SIPA1L3: variants seen among roughly 807,000 people sequenced by gnomAD.
SIPA1L3 encodes the protein signal induced proliferation associated 1 like 3, also known as signal-induced proliferation-associated 1-like protein 3.
A neutral mutation model predicts 150.1 loss-of-function variants in SIPA1L3; 59 were observed. The ratio of observed to expected loss-of-function variants is 0.39; its 90% CI spans 0.32 to 0.49. The LOEUF is 0.49. Ranked by LOEUF, SIPA1L3 falls within the 20% of genes least tolerant of loss-of-function variation. The pLI is 0.86. For missense variants in SIPA1L3, 2,211 were observed against 2,489.5 expected, an observed-to-expected ratio of 0.89 and a Z score of 2.38; for synonymous variants, 1,070 against 1,077.6, an observed-to-expected ratio of 0.99 and a Z score of 0.14.
chr19:37,990,853 G>T (rs1394774978), intron 1 of SIPA1L3, among the ~76,000 whole-genome samples: 1 of 152,202 alleles, frequency 6.6e-6, no homozygotes, highest in Non-Finnish European at 1.5e-5. Flanking sequence ...TGACTTAGTG[G>T]CATTGGTACT....
rs866412283 is a variant in SIPA1L3, at chr19:38,198,501, C to T, written c.4953C>T (p.Ser1651=). Residue 1651 remains serine (S), a synonymous_variant, in exon 19 of 22, where the codon TCC becomes TCT. Coordinates refer to ENST00000222345, the MANE Select transcript of SIPA1L3 (RefSeq NM_015073.3). ...LPDTAAGLEW[S]SLVNAAKAYE... is the part of the protein sequence containing the mutation. ...ACACAGCTGCTGGCCTCGAGTGGTC[C>T]AGCCTGGTGAACGCAGCCAAGGCAT... The T allele has an allele frequency of 1.3e-6, 2 of 1,592,228 alleles. No homozygotes were observed. The highest frequency in any genetic ancestry group is 1.7e-6 in the Non-Finnish European group (2 of 1,170,452).
intron 2 of SIPA1L3, among the ~76,000 whole-genome samples, chr19:38,055,260 G>A (rs1464248899): frequency 1.3e-5 from 2 of 152,190 alleles, no homozygotes; most frequent in East Asian, 1.9e-4. Context: ...GAAAAGGGAG[G>A]GAGGGCAGCT....
chr19:38,034,531 G>T (rs568599156), intron 2 of SIPA1L3, among the ~76,000 whole-genome samples: 2 of 152,002 alleles, frequency 1.3e-5, no homozygotes, highest in African/African-American at 4.8e-5. Flanking sequence ...GGGTGCGGGG[G>T]GTGGGGTACA....
chr19:38,041,822 G>A (rs529371175), intron 2 of SIPA1L3, among the ~76,000 whole-genome samples: 1 of 152,036 alleles, frequency 6.6e-6, no homozygotes, highest in Non-Finnish European at 1.5e-5. Flanking sequence ...TGATCCTCCT[G>A]TCTCAGCCTC....
intron 1 of SIPA1L3, among the ~76,000 whole-genome samples, chr19:37,912,776 A>G (rs2046386989): frequency 6.6e-6 from 1 of 152,200 alleles, no homozygotes. Flanking sequence ...TCAAACCCAG[A>G]GAAATTCACA....
At chr19:38,089,921 C>T (rs2145839486) in intron 4 of SIPA1L3, among the ~76,000 whole-genome samples, 1 of 152,282 alleles carries the variant, frequency 6.6e-6, no homozygotes, top group South Asian at 2.1e-4. Flanking sequence ...CTCTGCTTGG[C>T]TCTGCTTTTT....
At chr19:37,935,114 C>G (rs2046589251) in intron 1 of SIPA1L3, among the ~76,000 whole-genome samples, 1 of 152,122 alleles carries the variant, frequency 6.6e-6, no homozygotes, top group South Asian at 2.1e-4. Context: ...TGCCTCTCGT[C>G]CAGATAGAAG....
rs10718226 is a variant in SIPA1L3, at chr19:38,065,411, CTT to C, written c.-310-15825_-310-15824del. Reference sequence around the variant, plus strand: ...GCTCATGTTTTCCCTCACATGCTGACTTTTTTTTTTTTTTTTTTTTTAAGATG... The same window carrying C: ...GCTCATGTTTTCCCTCACATGCTGACTTTTTTTTTTTTTTTTTTTAAGATG... On this transcript the variant is annotated intron_variant, in intron 2 of 21. Transcript: ENST00000222345. 4.0e-3 allele frequency among the ~76,000 whole-genome samples: 495 copies of C among 122,342 alleles called. 1 individual carries two copies. The highest frequency in any genetic ancestry group is 0.012 in the African/African-American group (406 of 32,956). 80.3% of individuals were successfully genotyped at this position (122,342 alleles called of 152,430 possible).
intron 1 of SIPA1L3, among the ~76,000 whole-genome samples, chr19:37,976,454 A>G (rs1415285970): frequency 6.6e-6 from 1 of 152,118 alleles, no homozygotes; most frequent in East Asian, 1.9e-4. Flanking sequence ...CCAGTAAGTG[A>G]TCTGCTTTAT....
intron 1 of SIPA1L3, among the ~76,000 whole-genome samples, chr19:38,002,354 T>C (rs1057281772): frequency 6.6e-6 from 1 of 152,216 alleles, no homozygotes; most frequent in Non-Finnish European, 1.5e-5. Context: ...GGTTCATTCA[T>C]GTTGTATATA....
At chr19:38,158,245 A>C (rs1042777362) in intron 13 of SIPA1L3, among the ~76,000 whole-genome samples, 2 of 152,204 alleles carry the variant, frequency 1.3e-5, no homozygotes, top group Non-Finnish European at 2.9e-5. Context: ...AGAAAAAAAA[A>C]GTGGAAACTG....
chr19:37,921,233 C>T lies in SIPA1L3; in HGVS notation c.-379+13875C>T, dbSNP rs145605298. Among the ~76,000 whole-genome samples, 1,439 of 152,310 alleles carry T rather than the reference C, an allele frequency of 9.4e-3. 15 individuals carry two copies. Among genetic ancestry groups the T allele is most frequent in the African/African-American group, 0.033 (1,352 of 41,560 alleles). The stretch of plus-strand genomic sequence containing the variant: ...CAGCTACAACGCCTTTACGGCCGGC[C>T]GGCGTGCGCTCCCCGCTCCCATCAC... On this transcript the variant is annotated intron_variant, in intron 1 of 21. Coordinates refer to ENST00000222345, the MANE Select transcript of SIPA1L3 (RefSeq NM_015073.3).
At position 37,984,779 on chromosome 19, in the gene SIPA1L3, T is replaced by C. The variant is rs137896851; in HGVS notation, c.-378-44310T>C. On this transcript the variant is annotated intron_variant, in intron 1 of 21. Transcript: ENST00000222345. ...GATTGTTCTGTAGGCTGCTGTGGAA[T>C]ATGGCTGGTACTCCACAGATGCCTC... is the stretch of plus-strand genomic sequence containing the variant. Among the ~76,000 whole-genome samples, 142 of 152,374 alleles carry C rather than the reference T, an allele frequency of 9.3e-4. 1 individual carries two copies. Among genetic ancestry groups the C allele is most frequent in the African/African-American group, 3.3e-3 (138 of 41,582 alleles).
intron 1 of SIPA1L3, among the ~76,000 whole-genome samples, chr19:37,955,501 T>A (rs765691473): frequency 8.5e-5 from 13 of 152,060 alleles, no homozygotes; most frequent in Non-Finnish European, 1.3e-4. Context: ...CCAAAAGATA[T>A]CCATCTTGTA....
intron 1 of SIPA1L3, among the ~76,000 whole-genome samples, chr19:37,909,711 A>C (rs1272857230): frequency 6.6e-6 from 1 of 152,154 alleles, no homozygotes; most frequent in Non-Finnish European, 1.5e-5. Context: ...CTTTCAGAAA[A>C]GTTAGATGGT....
chr19:37,941,454 T>G (rs925455168), intron 1 of SIPA1L3, among the ~76,000 whole-genome samples: 17 of 131,502 alleles, frequency 1.3e-4, no homozygotes, highest in East Asian at 6.2e-4. Context: ...TGTTGTGTGT[T>G]TTTTTTTTTT....
intron 15 of SIPA1L3, among the ~76,000 whole-genome samples, chr19:38,169,635 G>A (rs1238782373): frequency 6.6e-6 from 1 of 152,242 alleles, no homozygotes; most frequent in Non-Finnish European, 1.5e-5. Flanking sequence ...GAATCATGGG[G>A]TATGAGGGTG....
rs192620345 is a variant in SIPA1L3 at position 38,106,678 on chromosome 19, T to C, written c.2133+38T>C. ...CAGCAGAGGCACGGCTGCCGGATGT[T>C]GGCTGCCCACCCACCAGCATTGGCC... On this transcript the variant is annotated intron_variant, in intron 7 of 21. Transcript: ENST00000222345. The C allele has an allele frequency of 7.7e-4, 1,102 of 1,426,066 alleles. 5 individuals carry two copies. In the African/African-American group the frequency reaches 0.014, roughly 18 times the overall value. 88.3% of individuals were successfully genotyped at this position (1,426,066 alleles called of 1,614,324 possible).
intron 16 of SIPA1L3, among the ~76,000 whole-genome samples, chr19:38,191,028 G>A (rs937643092): frequency 6.6e-6 from 1 of 152,174 alleles, no homozygotes; most frequent in Non-Finnish European, 1.5e-5. Flanking sequence ...TGGGACAAGT[G>A]GCTAAACTCC....
Sources: gnomAD v4.1 joint callset for allele counts (sites outside exome capture counted in the v4.1 genomes callset) on GRCh38, gnomAD v4.1.1 for gene constraint, MANE v1.5 for transcripts, NCBI Gene and HGNC (gene_info 2026-07-23, HGNC 2026-07-21) for gene names.